The following KTN1 variants were observed in gnomAD, a reference collection of about 807,000 sequenced individuals.
KTN1 encodes kinectin.
In KTN1, 130 loss-of-function variants were observed where a neutral mutation model predicts 222.5. The observed-to-expected ratio is 0.58, with a 90% CI of 0.51 to 0.68. KTN1 has a LOEUF of 0.68. Among genes scored for constraint, KTN1 ranks in the 30% least tolerant of loss-of-function variants. KTN1 has a pLI of 0.00. For synonymous variants in KTN1, 512 were observed against 496.3 expected (o/e 1.03, Z -0.42); for missense variants, 1,508 against 1,500.4 (o/e 1.01, Z -0.08).
At chr14:55,595,743 G>A (rs2034911657) in intron 1 of KTN1, among the ~76,000 whole-genome samples, 1 of 152,178 alleles carries the variant, frequency 6.6e-6, no homozygotes, top group African/African-American at 2.4e-5. Flanking sequence ...TCCAAGGATA[G>A]CTTGTTTACT....
intron 12 of KTN1, among the ~76,000 whole-genome samples, chr14:55,638,165 C>T (rs2041352583): frequency 6.6e-6 from 1 of 151,932 alleles, no homozygotes; most frequent in Non-Finnish European, 1.5e-5. Flanking sequence ...TTATGTATTA[C>T]AGATGTTCAT....
chr14:55,639,622 A>ATCC (rs1687056031), intron 13 of KTN1, among the ~76,000 whole-genome samples: 2 of 151,824 alleles, frequency 1.3e-5, no homozygotes, highest in Admixed American at 1.3e-4. Flanking sequence ...TTTGTGCCGT[A>ATCC]TAATTTTGCA....
chr14:55,593,269 G>A (rs10137364), intron 1 of KTN1, among the ~76,000 whole-genome samples: 11,757 of 151,694 alleles, frequency 0.078, 499 homozygotes, highest in South Asian at 0.11. Flanking sequence ...GTGTGAATTC[G>A]TGTTTTTATA....
At chr14:55,652,655 T>C (rs1358123516) in intron 25 of KTN1, among the ~76,000 whole-genome samples, 195 bp from the exon 26 acceptor site, 3 of 152,234 alleles carry the variant, frequency 2.0e-5, no homozygotes, top group African/African-American at 7.2e-5. Flanking sequence ...CGCCTTGGCC[T>C]CCCAAAGTGT....
chr14:55,670,662 T>C, intron 34 of KTN1, 67 bp from the exon 35 acceptor site: 1 of 1,080,064 alleles, frequency 9.3e-7, no homozygotes, highest in Non-Finnish European at 1.4e-6. Flanking sequence ...TTTTAAATGT[T>C]TCACCTGTTT....
At chr14:55,599,185 AT>A (rs2035558520) in intron 1 of KTN1, among the ~76,000 whole-genome samples, 2 of 151,888 alleles carry the variant, frequency 1.3e-5, no homozygotes, top group African/African-American at 4.8e-5. Context: ...CTGTTTTTTT[AT>A]GAGTGTTTTC....
chr14:55,651,428 G>T lies in KTN1; in HGVS notation c.2566-462G>T, dbSNP rs929029592. The T allele has an allele frequency of 9.3e-5, 42 of 451,754 alleles. 1 individual carries two copies. The highest frequency in any genetic ancestry group is 6.6e-4 in the South Asian group (42 of 63,750). 28.0% of individuals were successfully genotyped at this position (451,754 alleles called of 1,614,324 possible). ...AAAAATTAAAAAAGGACATCATAGA[G>T]TACTGTTGAGTAGTTGGCCTTGAAA... On this transcript the variant is annotated intron_variant, in intron 24 of 43. Coordinates refer to ENST00000395314, the MANE Select transcript of KTN1 (RefSeq NM_001079521.2).
chr14:55,653,308 A>G (rs1171353221), intron 27 of KTN1, among the ~76,000 whole-genome samples: 3 of 152,106 alleles, frequency 2.0e-5, no homozygotes, highest in Non-Finnish European at 4.4e-5. Context: ...CCTTATCTCT[A>G]CCTTTTCAAA....
intron 5 of KTN1, among the ~76,000 whole-genome samples, chr14:55,625,363 G>C (rs1011642018): frequency 6.6e-6 from 1 of 152,086 alleles, no homozygotes; most frequent in Non-Finnish European, 1.5e-5. Flanking sequence ...ACTTGCTTCA[G>C]TTATATTTTA....
intron 1 of KTN1, among the ~76,000 whole-genome samples, chr14:55,602,040 A>G (rs759799988): frequency 3.9e-5 from 6 of 152,102 alleles, no homozygotes; most frequent in Non-Finnish European, 8.8e-5. Context: ...CCGGCCCTCA[A>G]GTGCTTTATA....
chr14:55,638,741 A>G (rs2147116), intron 12 of KTN1, among the ~76,000 whole-genome samples: 1 of 151,906 alleles, frequency 6.6e-6, no homozygotes, highest in Admixed American at 6.6e-5. Context: ...AAAATTTATC[A>G]GGAGTTAAAT....
chr14:55,627,868 C>G (rs2040041147), intron 5 of KTN1, 44 bp from the exon 6 acceptor site: 1 of 1,088,348 alleles, frequency 9.2e-7, no homozygotes, highest in East Asian at 2.4e-5. Flanking sequence ...TTTTATTAGC[C>G]CATGGTAACT....
At chr14:55,662,857 T>C (rs191732441) in intron 32 of KTN1, 37 of 456,062 alleles carry the variant, frequency 8.1e-5, no homozygotes, top group African/African-American at 6.4e-4. Flanking sequence ...CTTGCCGATA[T>C]ACTGCTAACA....
chr14:55,669,101 C>T (rs964817088), intron 34 of KTN1, among the ~76,000 whole-genome samples: 7 of 151,560 alleles, frequency 4.6e-5, no homozygotes, highest in Non-Finnish European at 1.0e-4. Flanking sequence ...GTTTTTGTTT[C>T]TACTTTATAT....
At chr14:55,640,607 G>A (rs1029445267) in intron 15 of KTN1, among the ~76,000 whole-genome samples, 165 bp downstream of exon 15, 31 of 151,890 alleles carry the variant, frequency 2.0e-4, no homozygotes, top group African/African-American at 6.3e-4. Context: ...TGAAATAAAT[G>A]TTTGATCCAG....
intron 40 of KTN1, chr14:55,674,138 C>A (rs909718530): frequency 1.3e-5 from 2 of 151,916 alleles, no homozygotes; most frequent in Non-Finnish European, 2.9e-5. Context: ...TTAACTCATT[C>A]ATTTGTGGTT....
intron 22 of KTN1, 45 bp downstream of exon 22, chr14:55,649,858 ATT>A (rs71448463): frequency 2.6e-4 from 262 of 1,000,220 alleles, no homozygotes; most frequent in Middle Eastern, 6.6e-4. Flanking sequence ...TCTTTGGTCC[ATT>A]TTTTTTTTGT....
Position 55,656,112 on chromosome 14 carries a change from A to C in KTN1, c.2872A>C (p.Ser958Arg). Residue 958 changes from serine (S) to arginine (R), a missense_variant, in exon 29 of 44, where the codon AGC becomes CGC. Transcript: ENST00000395314. ...MLKERESDLS[S>R]KTQLLQDVQD... ...AAAAGAGAGGGAGAGTGATCTTTCTAGCAAAACACAGCTGTTACAGGTGAA... is the reference window on the plus strand; with the variant it reads ...AAAAGAGAGGGAGAGTGATCTTTCTCGCAAAACACAGCTGTTACAGGTGAA... 3.7e-6 allele frequency: 6 copies of C among 1,601,028 alleles called. No individual in the cohort carries two copies. The highest frequency in any genetic ancestry group is 3.4e-6 in the Non-Finnish European group (4 of 1,168,554).
intron 1 of KTN1, among the ~76,000 whole-genome samples, chr14:55,583,042 A>G (rs1276782365): frequency 6.6e-6 from 1 of 152,190 alleles, no homozygotes; most frequent in East Asian, 1.9e-4. Context: ...TTTATTTTCA[A>G]ATCACTGGGA....
Sources: allele counts gnomAD v4.1 joint callset (sites outside exome capture counted in the v4.1 genomes callset), GRCh38; gene constraint gnomAD v4.1.1; transcripts MANE v1.5; gene names NCBI Gene and HGNC (gene_info 2026-07-23, HGNC 2026-07-21).